The following PHF14 variants were observed in gnomAD, a reference collection of about 807,000 sequenced individuals.
The protein encoded by PHF14 is PHD finger protein 14.
Under a neutral mutation model 117.9 loss-of-function variants are expected in PHF14, and 55 were observed. The ratio of observed to expected loss-of-function variants is 0.47; its 90% CI spans 0.38 to 0.58. PHF14 has a LOEUF of 0.58. Ranked by LOEUF, PHF14 falls within the 20% of genes least tolerant of loss-of-function variation. PHF14 has a pLI of 0.00. For missense variants in PHF14, 978 were observed against 1,122.2 expected, an observed-to-expected ratio of 0.87 and a Z score of 1.84; for synonymous variants, 409 against 368.6, an observed-to-expected ratio of 1.11 and a Z score of -1.26.
At chr7:10,995,375 T>C (rs1782601734) in intron 4 of PHF14, among the ~76,000 whole-genome samples, 1 of 151,618 alleles carries the variant, frequency 6.6e-6, no homozygotes, top group Non-Finnish European at 1.5e-5. Context: ...TGCTGATTGG[T>C]GTATTTACAA....
chr7:11,022,215 A>G (rs1783760457), intron 5 of PHF14, among the ~76,000 whole-genome samples: 1 of 152,160 alleles, frequency 6.6e-6, no homozygotes. Context: ...ACTTTAATAA[A>G]TATTTATATT....
At chr7:11,140,630 T>C (rs1207554293) in intron 17 of PHF14, among the ~76,000 whole-genome samples, 3 of 152,154 alleles carry the variant, frequency 2.0e-5, no homozygotes, top group African/African-American at 4.8e-5. Flanking sequence ...AATAATATAA[T>C]CCATAACTGC....
At chr7:11,047,771 G>C (rs1784720345) in intron 13 of PHF14, among the ~76,000 whole-genome samples, 1 of 140,220 alleles carries the variant, frequency 7.1e-6, no homozygotes, top group Non-Finnish European at 1.5e-5. Context: ...GGGTGACAGA[G>C]TGAGACTCTG....
At chr7:10,983,531 C>T (rs1782116421) in intron 3 of PHF14, among the ~76,000 whole-genome samples, 1 of 152,118 alleles carries the variant, frequency 6.6e-6, no homozygotes, top group Admixed American at 6.5e-5. Flanking sequence ...ACCTTTCTTT[C>T]AACTTAGTTG....
chr7:11,096,924 C>G (rs1196271588), intron 16 of PHF14, among the ~76,000 whole-genome samples: 2 of 151,382 alleles, frequency 1.3e-5, no homozygotes, highest in African/African-American at 4.9e-5. Context: ...AATCTTAGTA[C>G]CTGTTTACTT....
rs553832002 is a variant in PHF14, at chr7:11,130,767, C to G, written c.2772+19300C>G. Among the ~76,000 whole-genome samples the G allele has an allele frequency of 1.3e-5, 2 of 151,862 alleles. No individual in the cohort carries two copies. Among genetic ancestry groups the G allele is most frequent in the African/African-American group, 4.8e-5 (2 of 41,376 alleles). On this transcript the variant is annotated intron_variant, in intron 17 of 17. Coordinates refer to ENST00000634607, the MANE Select transcript of PHF14 (RefSeq NM_001007157.2). This position sits in a 1 kb window ranked among gnomAD's most constrained non-coding sequence, Gnocchi z 4.2. ...AGTTGTAATAATGACACATGTCCAC[C>G]ATTACAGTGTCATACAGAATAGTTC...
intron 17 of PHF14, among the ~76,000 whole-genome samples, chr7:11,153,676 T>C (rs1168182035): frequency 6.6e-6 from 1 of 151,984 alleles, no homozygotes; most frequent in African/African-American, 2.4e-5. Context: ...TAGAAGAAAT[T>C]TAAGAGGCCA....
At chr7:11,166,875 C>G (rs145563540) in intron 17 of PHF14, among the ~76,000 whole-genome samples, 1 of 152,242 alleles carries the variant, frequency 6.6e-6, no homozygotes, top group Non-Finnish European at 1.5e-5. Flanking sequence ...GAACAGCAGG[C>G]AGTGTTAGAA....
chr7:11,042,704 C>G lies in PHF14; in HGVS notation c.2202C>G (p.Asn734Lys), dbSNP rs1218593542. The G allele has an allele frequency of 6.3e-7, 1 of 1,586,652 alleles. No individual in the cohort carries two copies. Among genetic ancestry groups the G allele is most frequent in the South Asian group, 1.2e-5 (1 of 86,782 alleles). Reference protein sequence around the residue: ...VLYSCGICKKNHDQHLLLLCD... With the variant: ...VLYSCGICKKKHDQHLLLLCD... The stretch of plus-strand genomic sequence containing the variant: ...AAAGTTGTGGGATTTGTAAGAAGAA[C>G]CATGATCAGCATCTTCTTTTATTGT... Residue 734 changes from asparagine to lysine, a missense_variant, in exon 13 of 18, where the codon AAC (asparagine) becomes AAG (lysine). By Grantham distance (94) the Asn-to-Lys change is moderately conservative (BLOSUM62 0). Transcript: ENST00000634607.
At chr7:11,032,049 C>G (rs1784138237) in intron 7 of PHF14, among the ~76,000 whole-genome samples, 3 of 151,880 alleles carry the variant, frequency 2.0e-5, no homozygotes, top group African/African-American at 7.3e-5. Flanking sequence ...TGAGGCTGGC[C>G]TCAAGAGGAT....
At chr7:11,148,615 T>C (rs950448713) in intron 17 of PHF14, among the ~76,000 whole-genome samples, 28 of 152,204 alleles carry the variant, frequency 1.8e-4, no homozygotes, top group African/African-American at 6.3e-4. Flanking sequence ...GTTGCCTGTC[T>C]CTGTTGAAAT....
chr7:11,074,747 A>C (rs1161776438), intron 16 of PHF14, among the ~76,000 whole-genome samples: 1 of 152,094 alleles, frequency 6.6e-6, no homozygotes, highest in East Asian at 1.9e-4. Context: ...TAAGTTCTTC[A>C]TTTCCATCTG....
At chr7:11,072,992 C>T (rs1785677926) in intron 16 of PHF14, among the ~76,000 whole-genome samples, 7 of 152,186 alleles carry the variant, frequency 4.6e-5, no homozygotes, top group Admixed American at 4.6e-4. Context: ...CCCTGTGGTC[C>T]AAACACCTCC....
chr7:11,034,431 G>A (rs1003484489), intron 7 of PHF14, among the ~76,000 whole-genome samples: 1 of 150,080 alleles, frequency 6.7e-6, no homozygotes, highest in Non-Finnish European at 1.5e-5. Context: ...GAATGAAAAT[G>A]TACTGTTAGG....
At chr7:11,019,938 T>G (rs930518549) in intron 5 of PHF14, among the ~76,000 whole-genome samples, 3 of 152,200 alleles carry the variant, frequency 2.0e-5, no homozygotes, top group African/African-American at 7.2e-5. Context: ...CCATTACTAT[T>G]CGTCATACTC....
intron 17 of PHF14, among the ~76,000 whole-genome samples, chr7:11,155,326 C>G (rs895310354): frequency 6.6e-6 from 1 of 152,152 alleles, no homozygotes; most frequent in Non-Finnish European, 1.5e-5. Context: ...ATTTCCTCCA[C>G]TACACAATTG....
At chr7:11,079,026 A>G (rs1007948248) in intron 16 of PHF14, among the ~76,000 whole-genome samples, 5 of 152,146 alleles carry the variant, frequency 3.3e-5, no homozygotes, top group Non-Finnish European at 5.9e-5. Flanking sequence ...TAAGTGCCTA[A>G]ATTCCTTCTG....
chr7:11,092,407 A>T (rs2995881), intron 16 of PHF14, among the ~76,000 whole-genome samples: 88,549 of 152,036 alleles, frequency 0.58, 27,506 homozygotes, highest in East Asian at 0.85. Context: ...CTGGAGACTA[A>T]ACTATGGCAA....
chr7:11,075,061 C>T (rs10227195), intron 16 of PHF14, among the ~76,000 whole-genome samples: 16,633 of 151,748 alleles, frequency 0.11, 1,068 homozygotes, highest in African/African-American at 0.19. Flanking sequence ...CCTCAGCCTC[C>T]TGAGTAGCTG....
Sources: gnomAD v4.1 joint callset for allele counts (sites outside exome capture counted in the v4.1 genomes callset) on GRCh38, gnomAD v4.1.1 for gene constraint, Gnocchi (gnomAD v3.1) non-coding constraint, MANE v1.5 for transcripts, NCBI Gene and HGNC (gene_info 2026-07-23, HGNC 2026-07-21) for gene names.